ATP11C: variants seen among roughly 807,000 people sequenced by gnomAD.
The protein encoded by ATP11C is phospholipid-transporting ATPase IG.
A neutral mutation model predicts 97.4 loss-of-function variants in ATP11C; 36 were observed. That is an observed-to-expected ratio of 0.37 (90% CI 0.28 to 0.49). The LOEUF is 0.49. Among genes scored for constraint, ATP11C ranks in the 20% least tolerant of loss-of-function variants. The probability of loss-of-function intolerance (pLI) is 0.98; values close to 1 mark genes in which losing one functional copy is unlikely to be tolerated. For missense variants in ATP11C, 730 were observed against 824.6 expected (o/e 0.89, Z 1.40); for synonymous variants, 275 against 290.9 (o/e 0.95, Z 0.56).
Position 139,777,785 on chromosome X carries a change from C to T in ATP11C, c.1953-2832G>A, listed in dbSNP as rs150142996. 5.4e-4 allele frequency among the ~76,000 whole-genome samples: 59 copies of T among 110,143 alleles called. No individual in the cohort carries two copies. The East Asian group carries it at 0.015, about 29-fold the overall frequency. On this transcript the variant is annotated intron_variant, in intron 18 of 29. Transcript: ENST00000682941. ...GCAGCTAGATAAAAAGGACAAATTA[C>T]CTATAAATGAAATCCCATCAGACTA...
At chrX:139,738,970 T>C (rs1289637978) in intron 27 of ATP11C, among the ~76,000 whole-genome samples, 1 of 111,699 alleles carries the variant, frequency 9.0e-6, no homozygotes, top group Non-Finnish European at 1.9e-5. Context: ...CATTTAAAAA[T>C]TAATGTCTAT....
chrX:139,769,302 A>G (rs1274920442), intron 19 of ATP11C, among the ~76,000 whole-genome samples: 2 of 69,977 alleles, frequency 2.9e-5, no homozygotes, highest in Non-Finnish European at 5.1e-5. Context: ...ATATATATAT[A>G]TATATATATA....
chrX:139,896,633 C>T, intron 1 of ATP11C, among the ~76,000 whole-genome samples: 1 of 106,524 alleles, frequency 9.4e-6, no homozygotes, highest in East Asian at 3.0e-4. Context: ...CTCTCTCTCT[C>T]TCTCTCTCTC....
intron 1 of ATP11C, among the ~76,000 whole-genome samples, chrX:139,923,091 T>C (rs2085293057): frequency 8.9e-6 from 1 of 112,263 alleles, no homozygotes; most frequent in African/African-American, 3.2e-5. Flanking sequence ...CCACCTGTTA[T>C]ACTTTTTTTT....
intron 23 of ATP11C, among the ~76,000 whole-genome samples, chrX:139,753,613 G>A (rs982179388): frequency 5.4e-5 from 6 of 110,877 alleles, no homozygotes; most frequent in African/African-American, 9.9e-5. Flanking sequence ...GTTCAAGACC[G>A]GCCTGACCAA....
At chrX:139,911,098 C>T (rs2085067195) in intron 1 of ATP11C, among the ~76,000 whole-genome samples, 1 of 110,805 alleles carries the variant, frequency 9.0e-6, no homozygotes, top group African/African-American at 3.3e-5. Context: ...ATACATAAAG[C>T]ACTAACCATA....
In ATP11C at chrX:139,849,121, T is replaced by C. The variant is rs933495794; in HGVS notation, c.28-22298A>G. On this transcript the variant is annotated intron_variant, in intron 1 of 29. Coordinates refer to ENST00000682941, the MANE Select transcript of ATP11C (RefSeq NM_001353812.2). ...AAAATCAGGGTCATCTAGGAAGCAT[T>C]CCCTCACACTGTGTGCACATCAGCT... is the stretch of plus-strand genomic sequence containing the variant. Among the ~76,000 whole-genome samples, 31 of 111,143 alleles carry C rather than the reference T, an allele frequency of 2.8e-4. No homozygotes were observed. The Admixed American group carries it at 2.9e-3, about 10-fold the overall frequency.
chrX:139,777,428 T>C (rs2082369446), intron 18 of ATP11C, among the ~76,000 whole-genome samples: 1 of 108,612 alleles, frequency 9.2e-6, no homozygotes, highest in South Asian at 4.0e-4. Context: ...GAAGAAAGAA[T>C]TGCAGAGCTT....
chrX:139,848,373 TGA>T (rs2147945785), intron 1 of ATP11C, among the ~76,000 whole-genome samples: 1 of 111,645 alleles, frequency 9.0e-6, no homozygotes, highest in South Asian at 3.8e-4. Context: ...TCTTCTATAG[TGA>T]GAGAGTAGGA....
chrX:139,775,033 T>C, intron 18 of ATP11C, 80 bp from the exon 19 acceptor site: 1 of 1,016,256 alleles, frequency 9.8e-7, no homozygotes, highest in Non-Finnish European at 1.3e-6. Context: ...AAGAGAATAT[T>C]TTTATAATTC....
At chrX:139,850,019 T>C (rs1211188994) in intron 1 of ATP11C, among the ~76,000 whole-genome samples, 1 of 112,107 alleles carries the variant, frequency 8.9e-6, no homozygotes, top group Non-Finnish European at 1.9e-5. Context: ...CCCTCCAGAA[T>C]TGTTAGAAAT....
chrX:139,769,326 A>ATATT (rs2082208344), intron 19 of ATP11C, among the ~76,000 whole-genome samples: 4 of 67,022 alleles, frequency 6.0e-5, no homozygotes, highest in African/African-American at 2.2e-4. Context: ...ATATATATAT[A>ATATT]TTCTTTAAAT....
chrX:139,797,422 C>T, intron 10 of ATP11C, 96 bp from the exon 11 acceptor site: 5 of 604,168 alleles, frequency 8.3e-6, no homozygotes, highest in Non-Finnish European at 1.2e-5. Flanking sequence ...GTGTACGACG[C>T]GTAACTACAG....
At chrX:139,909,699 C>T (rs896538172) in intron 1 of ATP11C, among the ~76,000 whole-genome samples, 7 of 111,543 alleles carry the variant, frequency 6.3e-5, no homozygotes, top group African/African-American at 1.6e-4. Context: ...GGGTAGAGTA[C>T]GTGGGATCTC....
chrX:139,881,272 G>C (rs780801053), intron 1 of ATP11C, among the ~76,000 whole-genome samples: 1 of 111,489 alleles, frequency 9.0e-6, no homozygotes, highest in East Asian at 2.8e-4. Context: ...CAAGATATGA[G>C]GAAGACTGCA....
At chrX:139,740,481 C>A (rs1042787141) in intron 27 of ATP11C, among the ~76,000 whole-genome samples, 2 of 111,654 alleles carry the variant, frequency 1.8e-5, no homozygotes, top group Non-Finnish European at 3.8e-5. Flanking sequence ...CCCTCCTCCA[C>A]CAAAACAGTA....
chrX:139,765,259 C>A (rs1467215482), intron 20 of ATP11C, among the ~76,000 whole-genome samples: 1 of 111,505 alleles, frequency 9.0e-6, no homozygotes, highest in Non-Finnish European at 1.9e-5. Context: ...AAAAGCTATT[C>A]ATCAAGTATA....
intron 1 of ATP11C, among the ~76,000 whole-genome samples, chrX:139,926,890 T>G (rs1213139966): frequency 2.7e-5 from 3 of 112,336 alleles, no homozygotes; most frequent in Non-Finnish European, 1.9e-5. Context: ...GTTTCCCACC[T>G]TGCGTGGGGT....
chrX:139,792,126 T>C (rs2082702935), intron 12 of ATP11C, among the ~76,000 whole-genome samples: 1 of 110,425 alleles, frequency 9.1e-6, no homozygotes, highest in Non-Finnish European at 1.9e-5. Context: ...AAAGAGGGGC[T>C]GAAGGTTAAG....
Sources: allele counts gnomAD v4.1 joint callset (sites outside exome capture counted in the v4.1 genomes callset), GRCh38; gene constraint gnomAD v4.1.1; transcripts MANE v1.5; gene names NCBI Gene and HGNC (gene_info 2026-07-23, HGNC 2026-07-21).